The following OSBPL8 variants were observed in gnomAD, a reference collection of about 807,000 sequenced individuals.
OSBPL8 encodes the protein oxysterol binding protein like 8.
A neutral mutation model predicts 125.5 loss-of-function variants in OSBPL8; 59 were observed. The ratio of observed to expected loss-of-function variants is 0.47; its 90% CI spans 0.38 to 0.58. OSBPL8 has a LOEUF of 0.58. Ranked by LOEUF, OSBPL8 falls within the 20% of genes least tolerant of loss-of-function variation. The probability of loss-of-function intolerance (pLI) is 0.00; values close to 1 mark genes in which losing one functional copy is unlikely to be tolerated. For missense variants in OSBPL8, 758 were observed against 1,047.8 expected, an observed-to-expected ratio of 0.72 and a Z score of 3.82; for synonymous variants, 330 against 338.9, an observed-to-expected ratio of 0.97 and a Z score of 0.29.
chr12:76,470,001 C>G (rs979391386), intron 2 of OSBPL8, among the ~76,000 whole-genome samples: 3 of 152,168 alleles, frequency 2.0e-5, no homozygotes, highest in Non-Finnish European at 2.9e-5. Flanking sequence ...TTCCCTCATT[C>G]TTTTCCTTAA....
intron 2 of OSBPL8, among the ~76,000 whole-genome samples, chr12:76,476,874 A>G (rs945754385): frequency 3.3e-5 from 5 of 152,248 alleles, no homozygotes; most frequent in Non-Finnish European, 7.3e-5. Flanking sequence ...TTTGCAGATG[A>G]TATGAATCAG....
intron 1 of OSBPL8, among the ~76,000 whole-genome samples, chr12:76,528,330 CAAA>C (rs35479771): frequency 2.1e-5 from 2 of 93,678 alleles, no homozygotes; most frequent in East Asian, 4.7e-4. Context: ...GACTCCGTCT[CAAA>C]AAAAAAAAAA....
chr12:76,492,815 G>A (rs75192768), intron 1 of OSBPL8, among the ~76,000 whole-genome samples: 6,493 of 152,136 alleles, frequency 0.043, 496 homozygotes, highest in African/African-American at 0.15. Context: ...CACAATAAGT[G>A]TAAATGAGCT....
chr12:76,441,538 C>T (rs963233407), intron 4 of OSBPL8, among the ~76,000 whole-genome samples: 1 of 151,972 alleles, frequency 6.6e-6, no homozygotes, highest in Non-Finnish European at 1.5e-5. Context: ...AAACTTTTAC[C>T]ACTCTTGCTA....
chr12:76,475,968 C>T (rs1050187763), intron 2 of OSBPL8, among the ~76,000 whole-genome samples: 2 of 152,152 alleles, frequency 1.3e-5, no homozygotes, highest in Admixed American at 6.5e-5. Context: ...CAAATGCAGG[C>T]AGAGAGGCCA....
chr12:76,377,373 C>G (rs751932845), intron 16 of OSBPL8, among the ~76,000 whole-genome samples: 2 of 152,194 alleles, frequency 1.3e-5, no homozygotes, highest in Non-Finnish European at 2.9e-5. Flanking sequence ...AATAGCTGAA[C>G]TAATTTACAC....
At chr12:76,376,868 T>C (rs895739262) in intron 16 of OSBPL8, among the ~76,000 whole-genome samples, 1 of 152,134 alleles carries the variant, frequency 6.6e-6, no homozygotes, top group African/African-American at 2.4e-5. Flanking sequence ...GGTGGTTTGC[T>C]GCACCTATCA....
At chr12:76,369,322 A>AC (rs1293146101) in intron 20 of OSBPL8, 21 bp from the exon 21 acceptor site, 2 of 1,574,548 alleles carry the variant, frequency 1.3e-6, no homozygotes, top group Admixed American at 4.2e-5. Context: ...GAAAAAAAAA[A>AC]AAACCATTTG....
chr12:76,453,486 A>T (rs1358894189), intron 3 of OSBPL8, among the ~76,000 whole-genome samples: 3 of 152,180 alleles, frequency 2.0e-5, no homozygotes, highest in Non-Finnish European at 4.4e-5. Context: ...AGGGAGAATA[A>T]ATTACTCAGT....
At chr12:76,557,076 T>C (rs1028900618) in intron 1 of OSBPL8, among the ~76,000 whole-genome samples, 1 of 152,070 alleles carries the variant, frequency 6.6e-6, no homozygotes, top group African/African-American at 2.4e-5. Flanking sequence ...CCAAGAACAT[T>C]GCTATAAATG....
At chr12:76,531,186 A>T (rs1950330315) in intron 1 of OSBPL8, among the ~76,000 whole-genome samples, 1 of 152,230 alleles carries the variant, frequency 6.6e-6, no homozygotes, top group African/African-American at 2.4e-5. Context: ...GAGCAAGAGC[A>T]GGGAAAATTG....
chr12:76,435,418 T>C (rs1871335871), intron 4 of OSBPL8, among the ~76,000 whole-genome samples: 1 of 152,012 alleles, frequency 6.6e-6, no homozygotes, highest in African/African-American at 2.4e-5. Context: ...AATGGGGAGA[T>C]ATTAGTCAAA....
intron 2 of OSBPL8, among the ~76,000 whole-genome samples, chr12:76,461,495 G>A (rs56087232): frequency 3.5e-4 from 54 of 152,240 alleles, no homozygotes; most frequent in Middle Eastern, 3.4e-3. Flanking sequence ...CTGTTGCCCA[G>A]GCTGGAGTGC....
At chr12:76,557,611 T>A (rs868266348) in intron 1 of OSBPL8, among the ~76,000 whole-genome samples, 1 of 136,390 alleles carries the variant, frequency 7.3e-6, no homozygotes, top group African/African-American at 2.8e-5. Context: ...GAGACAGTCT[T>A]AAAAAAAAAA....
At chr12:76,532,728 G>T (rs909240959) in intron 1 of OSBPL8, among the ~76,000 whole-genome samples, 3 of 148,292 alleles carry the variant, frequency 2.0e-5, no homozygotes, top group African/African-American at 7.6e-5. Flanking sequence ...AAAAAAAAAA[G>T]AGCCAGACCA....
At chr12:76,425,569 C>T (rs1044172743) in intron 4 of OSBPL8, among the ~76,000 whole-genome samples, 1 of 152,148 alleles carries the variant, frequency 6.6e-6, no homozygotes, top group East Asian at 1.9e-4. Flanking sequence ...AAAAAGTCCC[C>T]CTGCCACTGC....
At chr12:76,446,401 AT>A (rs1159758268) in intron 4 of OSBPL8, among the ~76,000 whole-genome samples, 1 of 152,180 alleles carries the variant, frequency 6.6e-6, no homozygotes, top group Admixed American at 6.5e-5. Context: ...AGAGGAAGGT[AT>A]TTTGCTTTAC....
chr12:76,452,275 A>G (rs1016985597), intron 3 of OSBPL8, among the ~76,000 whole-genome samples: 5 of 152,170 alleles, frequency 3.3e-5, no homozygotes, highest in Non-Finnish European at 5.9e-5. Flanking sequence ...TCAGCTCCTT[A>G]GATTCCAAAG....
chr12:76,455,353 G>A (rs1873910266), intron 3 of OSBPL8, among the ~76,000 whole-genome samples: 1 of 151,936 alleles, frequency 6.6e-6, no homozygotes, highest in Non-Finnish European at 1.5e-5. Flanking sequence ...ATTTACATAT[G>A]ACACATATTC....
Sources: allele counts gnomAD v4.1 joint callset (sites outside exome capture counted in the v4.1 genomes callset), GRCh38; gene constraint gnomAD v4.1.1; transcripts MANE v1.5; gene names NCBI Gene and HGNC (gene_info 2026-07-23, HGNC 2026-07-21).